The following DCC variants were observed in gnomAD, a reference collection of about 807,000 sequenced individuals.
The protein encoded by DCC is DCC netrin 1 receptor, also known as netrin receptor DCC.
A neutral mutation model predicts 172.5 loss-of-function variants in DCC; 58 were observed. That is an observed-to-expected ratio of 0.34 (90% CI 0.27 to 0.42). The LOEUF is 0.42. Ranked by LOEUF, DCC falls within the 10% of genes least tolerant of loss-of-function variation. The probability of loss-of-function intolerance (pLI) is 1.00; values close to 1 mark genes in which losing one functional copy is unlikely to be tolerated. For synonymous variants in DCC, 709 were observed against 644.5 expected (o/e 1.10, Z -1.52); for missense variants, 1,740 against 1,791.0 (o/e 0.97, Z 0.51).
At chr18:52,371,565 C>G (rs374962404) in intron 1 of DCC, among the ~76,000 whole-genome samples, 1 of 152,114 alleles carries the variant, frequency 6.6e-6, no homozygotes, top group Non-Finnish European at 1.5e-5. Context: ...CCCTTTTTCA[C>G]CTTCTTAAAG....
intron 12 of DCC, among the ~76,000 whole-genome samples, chr18:53,218,101 G>A (rs1362474026): frequency 6.6e-6 from 1 of 151,974 alleles, no homozygotes; most frequent in East Asian, 1.9e-4. Flanking sequence ...CTCCCACCTT[G>A]GTCTCACAAA....
intron 2 of DCC, among the ~76,000 whole-genome samples, chr18:52,886,770 T>G (rs1193136211): frequency 6.6e-6 from 1 of 151,986 alleles, no homozygotes; most frequent in Non-Finnish European, 1.5e-5. Flanking sequence ...CACCTGATTT[T>G]TGGTTCTTCT....
intron 7 of DCC, among the ~76,000 whole-genome samples, chr18:53,106,473 G>C (rs997748436): frequency 8.6e-5 from 13 of 151,932 alleles, no homozygotes; most frequent in African/African-American, 2.7e-4. Flanking sequence ...CTGTTCAGCG[G>C]GTGCTGACTT....
At chr18:53,239,515 A>C (rs967833932) in intron 12 of DCC, among the ~76,000 whole-genome samples, 1 of 152,152 alleles carries the variant, frequency 6.6e-6, no homozygotes, top group Non-Finnish European at 1.5e-5. Flanking sequence ...AGGTGAGTGA[A>C]TTCACGGAGC....
intron 21 of DCC, among the ~76,000 whole-genome samples, chr18:53,434,382 G>C (rs1364592691): frequency 2.0e-5 from 3 of 152,130 alleles, no homozygotes; most frequent in Non-Finnish European, 4.4e-5. Context: ...TTCTATGAAT[G>C]CACCAGTAGA....
intron 14 of DCC, among the ~76,000 whole-genome samples, chr18:53,336,228 T>A (rs1304420570): frequency 6.6e-6 from 1 of 152,190 alleles, no homozygotes; most frequent in Non-Finnish European, 1.5e-5. Flanking sequence ...AAATTTCAGT[T>A]GCAGACTCCA....
chr18:53,413,055 T>C (rs559948335), intron 20 of DCC, among the ~76,000 whole-genome samples: 4 of 152,158 alleles, frequency 2.6e-5, no homozygotes, highest in Admixed American at 2.6e-4. Context: ...GGAAGACTTA[T>C]GTCTATCTCT....
At chr18:52,452,435 A>G (rs1988334159) in intron 1 of DCC, among the ~76,000 whole-genome samples, 1 of 152,212 alleles carries the variant, frequency 6.6e-6, no homozygotes, top group African/African-American at 2.4e-5. Context: ...ACCCATAAGC[A>G]CATTTCCATT....
intron 12 of DCC, among the ~76,000 whole-genome samples, chr18:53,278,421 A>G (rs1349206374): frequency 2.6e-5 from 4 of 152,104 alleles, no homozygotes; most frequent in Non-Finnish European, 5.9e-5. Context: ...CATACCGTCT[A>G]TATCTATTGT....
chr18:52,942,081 C>A (rs1358595157), intron 5 of DCC, among the ~76,000 whole-genome samples: 1 of 152,162 alleles, frequency 6.6e-6, no homozygotes, highest in African/African-American at 2.4e-5. Context: ...CTGCGCCTGG[C>A]CCATTTTCTG....
chr18:52,579,083 A>C (rs1355228991), intron 1 of DCC, among the ~76,000 whole-genome samples: 1 of 152,240 alleles, frequency 6.6e-6, no homozygotes, highest in Admixed American at 6.5e-5. Context: ...ATATGTAATA[A>C]GATAAATTCA....
chr18:53,207,878 T>A (rs1363991917), intron 11 of DCC, 61 bp downstream of exon 11: 1 of 1,427,906 alleles, frequency 7.0e-7, no homozygotes, highest in Non-Finnish European at 9.9e-7. Flanking sequence ...AATAATGACA[T>A]GATATTGCAC....
chr18:52,977,481 T>A (rs866138686), intron 5 of DCC, among the ~76,000 whole-genome samples: 61 of 152,286 alleles, frequency 4.0e-4, no homozygotes, highest in African/African-American at 1.4e-3. Flanking sequence ...AGTGTGTGAA[T>A]TCTTTGGTTT....
chr18:52,763,460 A>G (rs1178148962), intron 2 of DCC, among the ~76,000 whole-genome samples: 1 of 152,236 alleles, frequency 6.6e-6, no homozygotes, highest in Non-Finnish European at 1.5e-5. Context: ...TGGGCACTCC[A>G]TGAGCCAACC....
chr18:52,534,012 C>T (rs2032221611), intron 1 of DCC, among the ~76,000 whole-genome samples: 1 of 152,090 alleles, frequency 6.6e-6, no homozygotes, highest in Non-Finnish European at 1.5e-5. Flanking sequence ...CAAGGTTCAG[C>T]TATGTTGTGG....
intron 2 of DCC, among the ~76,000 whole-genome samples, chr18:52,774,488 A>G (rs898995777): frequency 1.3e-5 from 2 of 152,246 alleles, no homozygotes; most frequent in East Asian, 1.9e-4. Flanking sequence ...AGAATACTCA[A>G]CAAGTAGCCA....
chr18:53,403,259 A>G (rs978038929), intron 19 of DCC, among the ~76,000 whole-genome samples: 11 of 151,364 alleles, frequency 7.3e-5, no homozygotes, highest in Admixed American at 1.3e-4. Context: ...TTGTTTGGCA[A>G]TTATGAAACA....
Position 52,765,199 on chromosome 18 carries a change from A to ATTTTTTTTTTTTT in DCC, c.412+12825_412+12826insTTTTTTTTTTTTT, listed in dbSNP as rs369735420. On this transcript the variant is annotated intron_variant, in intron 2 of 28. Transcript: ENST00000442544. ...CAGGCATGTGCTAGCACTCCTGGCTAATTTTTTTTTTTTTTTTTTGTATTT... is the reference window on the plus strand; with the variant it reads ...CAGGCATGTGCTAGCACTCCTGGCTATTTTTTTTTTTTTATTTTTTTTTTTTTTTTTTGTATTT... 4.0e-3 allele frequency among the ~76,000 whole-genome samples: 475 copies of ATTTTTTTTTTTTT among 120,008 alleles called. 1 individual carries two copies. Among genetic ancestry groups the ATTTTTTTTTTTTT allele is most frequent in the Admixed American group, 5.7e-3 (65 of 11,494 alleles). 78.7% of individuals were successfully genotyped at this position (120,008 alleles called of 152,430 possible). A position where few individuals can be genotyped will look rare whatever the true frequency, so the allele number is the denominator to read the frequency against.
chr18:52,388,798 A>G (rs1036488270), intron 1 of DCC, among the ~76,000 whole-genome samples: 3 of 152,084 alleles, frequency 2.0e-5, no homozygotes, highest in Admixed American at 2.0e-4. Flanking sequence ...TTTTCCAGGC[A>G]TGGTCAGGTC....
Sources: gnomAD v4.1 joint callset for allele counts (sites outside exome capture counted in the v4.1 genomes callset) on GRCh38, gnomAD v4.1.1 for gene constraint, MANE v1.5 for transcripts, NCBI Gene and HGNC (gene_info 2026-07-23, HGNC 2026-07-21) for gene names.